PIK3CB: variants seen among roughly 807,000 people sequenced by gnomAD.
PIK3CB encodes phosphatidylinositol 4,5-bisphosphate 3-kinase catalytic subunit beta isoform.
PIK3CB carries 39 observed loss-of-function variants against 136.8 expected under a neutral mutation model. The observed-to-expected ratio is 0.29, with a 90% CI of 0.22 to 0.37. The LOEUF (loss-of-function observed/expected upper bound fraction) is 0.37. PIK3CB is among the 10% of genes least tolerant of loss of function. The probability of loss-of-function intolerance (pLI) is 1.00; values close to 1 mark genes in which losing one functional copy is unlikely to be tolerated. For missense variants in PIK3CB, 868 were observed against 1,275.4 expected (o/e 0.68, Z 4.87); for synonymous variants, 428 against 436.6 (o/e 0.98, Z 0.25).
intron 12 of PIK3CB, among the ~76,000 whole-genome samples, chr3:138,700,319 T>A (rs1050634346): frequency 1.3e-5 from 2 of 151,978 alleles, no homozygotes; most frequent in Admixed American, 6.6e-5. Flanking sequence ...ATATAAAAAA[T>A]GAAACTCTCC....
At chr3:138,797,635 T>C (rs975381450) in intron 1 of PIK3CB, among the ~76,000 whole-genome samples, 1 of 152,122 alleles carries the variant, frequency 6.6e-6, no homozygotes, top group African/African-American at 2.4e-5. Flanking sequence ...AGTAAGAAAA[T>C]TGGTGAACTC....
chr3:138,797,167 T>C (rs1171679225), intron 1 of PIK3CB: 2 of 155,720 alleles, frequency 1.3e-5, no homozygotes, highest in African/African-American at 4.8e-5. Context: ...GGATTGAGTC[T>C]GCCAGAGAGA....
chr3:138,656,389 C>A, intron 22 of PIK3CB, 115 bp from the exon 23 acceptor site: 1 of 1,116,852 alleles, frequency 9.0e-7, no homozygotes, highest in Non-Finnish European at 1.3e-6. Context: ...AAAATTCCTA[C>A]TGAACTAAAG....
chr3:138,738,905 T>C (rs2045175616), intron 5 of PIK3CB, among the ~76,000 whole-genome samples: 1 of 152,230 alleles, frequency 6.6e-6, no homozygotes, highest in South Asian at 2.1e-4. Flanking sequence ...GAATTTAAGA[T>C]GTCTTACATT....
intron 21 of PIK3CB, among the ~76,000 whole-genome samples, chr3:138,661,187 T>G (rs2043289270): frequency 6.6e-6 from 1 of 152,246 alleles, no homozygotes; most frequent in African/African-American, 2.4e-5. Flanking sequence ...TAGAAATAAG[T>G]GTGCTTGAGT....
intron 1 of PIK3CB, among the ~76,000 whole-genome samples, chr3:138,822,099 C>A (rs979353802): frequency 3.3e-5 from 5 of 152,068 alleles, no homozygotes; most frequent in African/African-American, 1.2e-4. Flanking sequence ...GATGGTTCCA[C>A]TGCACTCCAG....
At chr3:138,830,425 G>T (rs1208686383) in intron 1 of PIK3CB, among the ~76,000 whole-genome samples, 1 of 152,122 alleles carries the variant, frequency 6.6e-6, no homozygotes, top group African/African-American at 2.4e-5. Context: ...GGTAGCGCAC[G>T]CCTTGTAATC....
intron 19 of PIK3CB, among the ~76,000 whole-genome samples, chr3:138,667,349 T>C (rs2043434286): frequency 6.6e-6 from 1 of 151,852 alleles, no homozygotes; most frequent in Non-Finnish European, 1.5e-5. Context: ...GTTGGCCATG[T>C]AAGGACTTCT....
In PIK3CB at chr3:138,698,888, A is replaced by G; in HGVS notation, c.1770+19T>C. The G allele has an allele frequency of 1.9e-6, 3 of 1,553,196 alleles. No individual in the cohort carries two copies. The highest frequency in any genetic ancestry group is 2.6e-6 in the Non-Finnish European group (3 of 1,135,478). The stretch of plus-strand genomic sequence containing the variant: ...GTACCATACACCCAAAAAAAGTTAT[A>G]GAAACGATCTTTTGTTACCTGAGCA... On this transcript the variant is annotated intron_variant, in intron 13 of 23. Transcript: ENST00000674063.
intron 13 of PIK3CB, among the ~76,000 whole-genome samples, chr3:138,696,070 A>G (rs2044131462): frequency 1.3e-5 from 2 of 151,342 alleles, no homozygotes; most frequent in Admixed American, 1.3e-4. Context: ...CACTCAGCAT[A>G]AATTGTTAAC....
intron 13 of PIK3CB, among the ~76,000 whole-genome samples, chr3:138,697,695 G>C (rs2108526368): frequency 1.3e-5 from 2 of 151,840 alleles, no homozygotes; most frequent in Middle Eastern, 6.8e-3. Flanking sequence ...GCCCACCTCA[G>C]CCTCCCAAAG....
intron 4 of PIK3CB, among the ~76,000 whole-genome samples, chr3:138,744,320 G>A (rs539290438): frequency 2.0e-5 from 3 of 146,668 alleles, no homozygotes; most frequent in Admixed American, 1.4e-4. Context: ...GCGTGAACCC[G>A]GGAGGCGGAG....
chr3:138,717,051 C>G (rs1298835504), intron 8 of PIK3CB, among the ~76,000 whole-genome samples: 1 of 150,440 alleles, frequency 6.6e-6, no homozygotes, highest in Non-Finnish European at 1.5e-5. Context: ...GTCAAGAGAT[C>G]AAGACCATCC....
intron 2 of PIK3CB, among the ~76,000 whole-genome samples, chr3:138,774,148 A>C (rs1434185250): frequency 6.6e-6 from 1 of 152,246 alleles, no homozygotes; most frequent in African/African-American, 2.4e-5. Context: ...GTAATTGTAC[A>C]GTTCAATGAA....
intron 1 of PIK3CB, among the ~76,000 whole-genome samples, chr3:138,805,190 G>A (rs1299979199): frequency 4.0e-5 from 6 of 150,864 alleles, no homozygotes; most frequent in Admixed American, 6.6e-5. Flanking sequence ...AAAATTAGCC[G>A]GGCATGGTGG....
chr3:138,681,896 A>G lies in PIK3CB; in HGVS notation c.2504+71T>C, dbSNP rs112751637. ...AAATAAGAACAAGAGGGAAGGAATTAACAAGAAATTCTAGATATTTTTGCT... is the reference window on the plus strand; with the variant it reads ...AAATAAGAACAAGAGGGAAGGAATTGACAAGAAATTCTAGATATTTTTGCT... On this transcript the variant is annotated intron_variant, in intron 19 of 23. Coordinates refer to ENST00000674063, the MANE Select transcript of PIK3CB (RefSeq NM_006219.3). 21 of 872,380 alleles carry G rather than the reference A, an allele frequency of 2.4e-5. 1 individual carries two copies. Among genetic ancestry groups the G allele is most frequent in the African/African-American group, 1.5e-4 (9 of 58,110 alleles). 54.0% of individuals were successfully genotyped at this position (872,380 alleles called of 1,614,324 possible).
chr3:138,829,736 G>A (rs750052916), intron 1 of PIK3CB, among the ~76,000 whole-genome samples: 3 of 151,936 alleles, frequency 2.0e-5, no homozygotes, highest in Non-Finnish European at 4.4e-5. Context: ...GCAGTGAGCC[G>A]AGATTGCGCC....
chr3:138,660,263 T>C (rs373681174), intron 21 of PIK3CB, among the ~76,000 whole-genome samples: 1 of 152,194 alleles, frequency 6.6e-6, no homozygotes, highest in East Asian at 1.9e-4. Flanking sequence ...CACTTACAAC[T>C]ATGCCTGCCA....
At chr3:138,661,520 TTA>T (rs2043295665) in intron 21 of PIK3CB, among the ~76,000 whole-genome samples, 1 of 152,214 alleles carries the variant, frequency 6.6e-6, no homozygotes, top group African/African-American at 2.4e-5. Context: ...CTTCTTGAGT[TTA>T]TATATTTCTT....
Sources: allele counts gnomAD v4.1 joint callset (sites outside exome capture counted in the v4.1 genomes callset), GRCh38; gene constraint gnomAD v4.1.1; transcripts MANE v1.5; gene names NCBI Gene and HGNC (gene_info 2026-07-23, HGNC 2026-07-21).